Variants in PLCG2 observed in about 807,000 individuals in gnomAD.
PLCG2 encodes the protein 1-phosphatidylinositol 4,5-bisphosphate phosphodiesterase gamma-2.
A neutral mutation model predicts 175.6 loss-of-function variants in PLCG2; 69 were observed. The observed-to-expected ratio is 0.39, with a 90% CI of 0.32 to 0.48. The LOEUF is 0.48. Ranked by LOEUF, PLCG2 falls within the 20% of genes least tolerant of loss-of-function variation. The probability of loss-of-function intolerance (pLI) is 0.91; values close to 1 mark genes in which losing one functional copy is unlikely to be tolerated. For missense variants in PLCG2, 1,798 were observed against 1,650.9 expected, an observed-to-expected ratio of 1.09 and a Z score of -1.54; for synonymous variants, 827 against 624.0, an observed-to-expected ratio of 1.33 and a Z score of -4.85.
chr16:81,827,066 G>T (rs1393068266), intron 2 of PLCG2, among the ~76,000 whole-genome samples: 1 of 152,146 alleles, frequency 6.6e-6, no homozygotes, highest in African/African-American at 2.4e-5. Context: ...CCCCATGATT[G>T]TGCTGTGGCC....
At chr16:81,863,338 A>C (rs56047457) in intron 5 of PLCG2, among the ~76,000 whole-genome samples, 2 of 152,206 alleles carry the variant, frequency 1.3e-5, no homozygotes, top group Non-Finnish European at 2.9e-5. Context: ...ACTTAGTGTA[A>C]TGTCTCCAAG....
At chr16:81,739,122 G>A (rs1032657754) in exon 1 of PLCG2, 3 of 152,228 alleles carry the variant, frequency 2.0e-5, no homozygotes, top group African/African-American at 7.2e-5. Context: ...AAGAGCCACT[G>A]GTACTCAGTG....
At chr16:81,803,586 C>CCTTTA (rs1911847822) in intron 2 of PLCG2, among the ~76,000 whole-genome samples, 1 of 143,184 alleles carries the variant, frequency 7.0e-6, no homozygotes, top group Non-Finnish European at 1.5e-5. Flanking sequence ...CCTTTCCTTT[C>CCTTTA]TTTTCTTTTC....
At chr16:81,813,827 C>G (rs1449097239) in intron 2 of PLCG2, among the ~76,000 whole-genome samples, 2 of 152,184 alleles carry the variant, frequency 1.3e-5, no homozygotes, top group Non-Finnish European at 2.9e-5. Flanking sequence ...AGTAGCTAGT[C>G]TTCTCTGTGA....
chr16:81,884,373 CCCCA>C (rs1908248729), intron 9 of PLCG2, among the ~76,000 whole-genome samples: 1 of 151,652 alleles, frequency 6.6e-6, no homozygotes, highest in Admixed American at 6.6e-5. Context: ...ACAAAAACAC[CCCCA>C]CCCCACCAAA....
At chr16:81,792,172 C>T (rs920660854) in intron 2 of PLCG2, among the ~76,000 whole-genome samples, 1 of 152,152 alleles carries the variant, frequency 6.6e-6, no homozygotes, top group Non-Finnish European at 1.5e-5. Flanking sequence ...TTAGTCCATT[C>T]TTATGGTGCT....
intron 10 of PLCG2, 139 bp downstream of exon 10, chr16:81,889,412 TG>T: frequency 3.4e-6 from 2 of 595,728 alleles, no homozygotes; most frequent in Non-Finnish European, 6.1e-6. Context: ...TAGCTGGGAT[TG>T]TTTCTTTTCT....
At chr16:81,914,659 A>G (rs1332927416) in intron 19 of PLCG2, among the ~76,000 whole-genome samples, 1 of 152,178 alleles carries the variant, frequency 6.6e-6, no homozygotes. Context: ...CAGGAGTGAT[A>G]AAAACAGCCC....
At chr16:81,852,966 G>C (rs1368993830) in intron 2 of PLCG2, among the ~76,000 whole-genome samples, 4 of 152,138 alleles carry the variant, frequency 2.6e-5, no homozygotes, top group Non-Finnish European at 5.9e-5. Context: ...TGGTCTCCAG[G>C]TAGTCTGACT....
chr16:81,795,197 C>T (rs1232523148), intron 2 of PLCG2, among the ~76,000 whole-genome samples: 1 of 152,172 alleles, frequency 6.6e-6, no homozygotes, highest in African/African-American at 2.4e-5. Context: ...GTCAGACTAA[C>T]ACATTCAATC....
At chr16:81,941,161 T>C (rs1174655949) in intron 30 of PLCG2, among the ~76,000 whole-genome samples, 1 of 152,222 alleles carries the variant, frequency 6.6e-6, no homozygotes, top group Non-Finnish European at 1.5e-5. Flanking sequence ...CCTTTTTTTG[T>C]ATAATATCAT....
chr16:81,891,518 A>T lies in PLCG2; in HGVS notation c.914A>T (p.Lys305Met). 1 of 1,612,432 alleles carries T rather than the reference A, an allele frequency of 6.2e-7. No individual in the cohort carries two copies. Reference sequence around the variant, plus strand: ...CGAGAAAACAGCATCTGGGATGAGAAGTATGACGCGGTGGACATGCAGGAC... The same window carrying T: ...CGAGAAAACAGCATCTGGGATGAGATGTATGACGCGGTGGACATGCAGGAC... ...FSRENSIWDE[K>M]YDAVDMQDMN... The change falls in exon 11 of 33, where the codon AAG becomes ATG. Residue 305 changes from lysine to methionine, a missense_variant. Physicochemically the swap from Lys to Met is moderately conservative, Grantham distance 95. Coordinates refer to ENST00000564138, the MANE Select transcript of PLCG2 (RefSeq NM_002661.5).
At chr16:81,829,029 A>G (rs1905154650) in intron 2 of PLCG2, among the ~76,000 whole-genome samples, 1 of 151,890 alleles carries the variant, frequency 6.6e-6, no homozygotes, top group African/African-American at 2.4e-5. Flanking sequence ...GCTTTTAATG[A>G]TGACAAGGAC....
chr16:81,850,719 C>T (rs760851404), intron 2 of PLCG2, among the ~76,000 whole-genome samples: 1 of 152,154 alleles, frequency 6.6e-6, no homozygotes. Context: ...GAACTTCTGG[C>T]ACCTGCACAG....
chr16:81,790,439 C>T (rs903991157), intron 2 of PLCG2, among the ~76,000 whole-genome samples: 3 of 152,240 alleles, frequency 2.0e-5, no homozygotes, highest in Non-Finnish European at 2.9e-5. Flanking sequence ...CTCCCTCACA[C>T]CTTGAGAGAG....
intron 20 of PLCG2, among the ~76,000 whole-genome samples, chr16:81,920,838 C>G (rs1253561196): frequency 2.0e-5 from 3 of 152,142 alleles, no homozygotes. Context: ...TGTTGATGTG[C>G]TGTCGTTGAA....
At chr16:81,894,622 C>T (rs1403176671) in intron 12 of PLCG2, among the ~76,000 whole-genome samples, 1 of 152,214 alleles carries the variant, frequency 6.6e-6, no homozygotes, top group Non-Finnish European at 1.5e-5. Context: ...CCTGTAATCC[C>T]AGCACTGTGA....
intron 31 of PLCG2, among the ~76,000 whole-genome samples, chr16:81,946,677 C>A (rs975052835): frequency 1.3e-5 from 2 of 152,232 alleles, no homozygotes; most frequent in African/African-American, 4.8e-5. Context: ...AAATTAATCA[C>A]CCCCCAAGCT....
chr16:81,767,176 G>T (rs190618546), intron 2 of PLCG2, among the ~76,000 whole-genome samples: 1 of 114,324 alleles, frequency 8.7e-6, no homozygotes, highest in Non-Finnish European at 1.6e-5. Flanking sequence ...ACTGAGTCTC[G>T]ATCTATCACC....
Sources: gnomAD v4.1 joint callset for allele counts (sites outside exome capture counted in the v4.1 genomes callset) on GRCh38, gnomAD v4.1.1 for gene constraint, MANE v1.5 for transcripts, NCBI Gene and HGNC (gene_info 2026-07-23, HGNC 2026-07-21) for gene names.